Variants in MEGF8 observed in about 807,000 individuals in gnomAD.
MEGF8 encodes multiple epidermal growth factor-like domains protein 8.
Under a neutral mutation model 302.9 loss-of-function variants are expected in MEGF8, and 156 were observed. The ratio of observed to expected loss-of-function variants is 0.52; its 90% CI spans 0.45 to 0.59. MEGF8 has a LOEUF of 0.59. Ranked by LOEUF, MEGF8 falls within the 20% of genes least tolerant of loss-of-function variation. The pLI is 0.00. For missense variants in MEGF8, 3,345 were observed against 3,964.5 expected (o/e 0.84, Z 4.20); for synonymous variants, 1,621 against 1,660.5 (o/e 0.98, Z 0.58).
intron 8 of MEGF8, among the ~76,000 whole-genome samples, chr19:42,338,580 C>T (rs2039165679): frequency 1.3e-5 from 2 of 152,052 alleles, no homozygotes; most frequent in Non-Finnish European, 2.9e-5. Context: ...TCCTCCAACC[C>T]TCAGGTAGGC....
chr19:42,372,061 AAC>A, intron 41 of MEGF8, among the ~76,000 whole-genome samples: 1 of 149,436 alleles, frequency 6.7e-6, no homozygotes, highest in Non-Finnish European at 1.5e-5. Context: ...CAACAACAAC[AAC>A]AACAACAACA....
Position 42,353,779 on chromosome 19 carries a change from G to C in MEGF8, c.3766G>C (p.Gly1256Arg). 2 of 1,597,264 alleles carry C rather than the reference G, an allele frequency of 1.3e-6. No individual in the cohort carries two copies. The highest frequency in any genetic ancestry group is 8.6e-7 in the Non-Finnish European group (1 of 1,168,888). The stretch of plus-strand genomic sequence containing the variant: ...GGCTCTTCTCCATCTCCCCAGGGCC[G>C]GTGGTTCCTGCTTTCGGGAGTGTGG... ...SPGYYGDPRA[G>R]GSCFRECGGR... is the part of the protein sequence containing the mutation. The change falls in exon 22 of 42, where the codon GGT becomes CGT. Residue 1256 changes from glycine (G) to arginine (R), a missense_variant. By Grantham distance (125) the Gly-to-Arg change is moderately radical (BLOSUM62 -2). Coordinates refer to ENST00000251268, the MANE Select transcript of MEGF8 (RefSeq NM_001271938.2). This position sits in a 1 kb window ranked among gnomAD's most constrained non-coding sequence, Gnocchi z 6.1.
chr19:42,348,430 C>T lies in MEGF8; in HGVS notation c.2256C>T (p.His752=), dbSNP rs566246088. ...VAVWTRAQRL[H]VLARMARGPD... is the part of the protein sequence containing the mutation. ...TGTGGACGCGGGCCCAGCGCCTACA[C>T]GTCCTGGCCCGGATGGCCCGTGGCC... The change falls in exon 13 of 42, where the codon CAC becomes CAT. Residue 752 remains histidine, a synonymous_variant. Coordinates refer to ENST00000251268, the MANE Select transcript of MEGF8 (RefSeq NM_001271938.2). 1.4e-5 allele frequency: 22 copies of T among 1,532,076 alleles called. No individual in the cohort carries two copies. Among genetic ancestry groups the T allele is most frequent in the Middle Eastern group, 1.7e-4 (1 of 5,976 alleles). The allele number at this position is 1,532,076 out of a possible 1,614,324, so 94.9% of individuals were successfully genotyped here. A position where few individuals can be genotyped will look rare whatever the true frequency, so the allele number is the denominator to read the frequency against.
At chr19:42,340,528 C>T (rs2039197147) in intron 8 of MEGF8, among the ~76,000 whole-genome samples, 1 of 152,088 alleles carries the variant, frequency 6.6e-6, no homozygotes, top group Admixed American at 6.6e-5. Context: ...CGTGCCTGGC[C>T]TAATTTTTGT....
chr19:42,337,834 C>T (rs976473901), intron 8 of MEGF8, among the ~76,000 whole-genome samples: 5 of 150,896 alleles, frequency 3.3e-5, no homozygotes, highest in Middle Eastern at 3.5e-3. Flanking sequence ...GAGGGAGTCT[C>T]GCTCCGTCGC....
At chr19:42,331,654 C>T (rs1247330386) in intron 1 of MEGF8, among the ~76,000 whole-genome samples, 2 of 151,912 alleles carry the variant, frequency 1.3e-5, no homozygotes, top group African/African-American at 4.8e-5. Context: ...ACTGTAACCT[C>T]TGCCTCCCGG....
At chr19:42,329,948 A>C (rs560213996) in intron 1 of MEGF8, among the ~76,000 whole-genome samples, 65 of 151,242 alleles carry the variant, frequency 4.3e-4, no homozygotes, top group African/African-American at 1.5e-3. Context: ...CTAGTCCTAG[A>C]CTTTTTTTTT....
At chr19:42,343,826 G>A in intron 9 of MEGF8, 128 bp from the exon 10 acceptor site, 2 of 1,403,656 alleles carry the variant, frequency 1.4e-6, no homozygotes, top group Non-Finnish European at 1.9e-6. Context: ...GGAATGGATG[G>A]GCATGCTGAG....
chr19:42,335,503 A>G (rs1172127589), intron 5 of MEGF8, 118 bp downstream of exon 5: 10 of 859,316 alleles, frequency 1.2e-5, no homozygotes, highest in Non-Finnish European at 1.5e-5. Context: ...TTGATATAGG[A>G]ACCTACTTCT....
chr19:42,362,480 A>G lies in MEGF8; in HGVS notation c.5941A>G (p.Asn1981Asp). 1 of 1,613,992 alleles carries G rather than the reference A, an allele frequency of 6.2e-7. No homozygotes were observed. Among genetic ancestry groups the G allele is most frequent in the Non-Finnish European group, 8.5e-7 (1 of 1,179,888 alleles). ...CACCTCTGAGAATGACTGTCGGATC[A>G]ACCAGCGAGAGGTCTTCTGGGCAGG... The part of the protein sequence containing the change: ...SCTSENDCRI[N>D]QREVFWAGNC... The change falls in exon 34 of 42, where the codon AAC (asparagine) becomes GAC (aspartate). Residue 1981 changes from asparagine to aspartate, a missense_variant. Physicochemically the swap from Asn to Asp is conservative, Grantham distance 23. Coordinates refer to ENST00000251268, the MANE Select transcript of MEGF8 (RefSeq NM_001271938.2).
Position 42,375,538 on chromosome 19 carries a change from G to A in MEGF8, c.7301G>A (p.Ser2434Asn). ...CAKCRESFHG[S>N]PLGGQQCYRL... ...AAGTGCCGGGAATCATTTCACGGGA[G>A]TCCGCTGGGCGGCCAGCAGTGCTAC... Residue 2434 changes from serine (S) to asparagine (N), a missense_variant, in exon 42 of 42, where the codon AGT becomes AAT. Physicochemically the swap from Ser to Asn is conservative, Grantham distance 46 (BLOSUM62 1). Transcript: ENST00000251268. The surrounding 1 kb of genome is among the most constrained non-coding windows in gnomAD (Gnocchi z 7.1). 1 of 1,591,196 alleles carries A rather than the reference G, an allele frequency of 6.3e-7. No homozygotes were observed. The highest frequency in any genetic ancestry group is 8.5e-7 in the Non-Finnish European group (1 of 1,169,736).
In MEGF8 at chr19:42,353,597, G is replaced by A. The variant is rs374413723; in HGVS notation, c.3683G>A (p.Ser1228Asn). 2 of 1,593,910 alleles carry A rather than the reference G, an allele frequency of 1.3e-6. No homozygotes were observed. Among genetic ancestry groups the A allele is most frequent in the Admixed American group, 1.8e-5 (1 of 57,024 alleles). The change falls in exon 21 of 42, where the codon AGT becomes AAT. Residue 1228 changes from serine (S) to asparagine (N), a missense_variant. By Grantham distance (46) the Ser-to-Asn change is conservative (BLOSUM62 1). Coordinates refer to ENST00000251268, the MANE Select transcript of MEGF8 (RefSeq NM_001271938.2). The surrounding 1 kb of genome is among the most constrained non-coding windows in gnomAD (Gnocchi z 6.1). ...DPRRGHCDNL[S>N]GLCFCQDHTE... ...CGCCGTGGCCACTGCGACAACCTCA[G>A]TGGGCTCTGCTTCTGCCAGGACCAC...
chr19:42,332,474 TCTC>T lies in MEGF8; in HGVS notation c.188-1128_188-1126del, dbSNP rs1158467296. 3.9e-5 allele frequency among the ~76,000 whole-genome samples: 6 copies of T among 152,028 alleles called. No homozygotes were observed. The South Asian group carries it at 6.2e-4, about 16-fold the overall frequency. On this transcript the variant is annotated intron_variant, in intron 1 of 41. Transcript: ENST00000251268. ...CCTCTGCCTCCCAGGTTCAAGCAAT[TCTC>T]CTGCCTCAGCCTCCCAAGTAGCTGG...
In MEGF8 at chr19:42,343,475, A is replaced by G. The variant is rs1600031124; in HGVS notation, c.1514-2A>G. ...ATGTCATTGGGGTCTCTATTCCCCT[A>G]GGCCGAGCAGCGCCTCCCAGTGGTC... is the stretch of plus-strand genomic sequence containing the variant. On this transcript the variant is annotated splice_acceptor_variant, in intron 8 of 41. Coordinates refer to ENST00000251268, the MANE Select transcript of MEGF8 (RefSeq NM_001271938.2). LOFTEE classifies it high-confidence loss of function. 1 of 1,596,562 alleles carries G rather than the reference A, an allele frequency of 6.3e-7. No homozygotes were observed. Among genetic ancestry groups the G allele is most frequent in the Non-Finnish European group, 8.6e-7 (1 of 1,167,158 alleles).
Position 42,334,231 on chromosome 19 carries a change from C to G in MEGF8, c.558+18C>G, listed in dbSNP as rs1600013397. On this transcript the variant is annotated intron_variant, in intron 3 of 41. Coordinates refer to ENST00000251268, the MANE Select transcript of MEGF8 (RefSeq NM_001271938.2). ...GCGCCTCGGTGAGCCGGTCCCCAGC[C>G]CTGTTTCCCCTGGGGCCCTGATCTG... The G allele has an allele frequency of 3.8e-6, 6 of 1,568,124 alleles. No homozygotes were observed. Among genetic ancestry groups the G allele is most frequent in the African/African-American group, 2.7e-5 (2 of 74,248 alleles).
At chr19:42,349,302 GAAAA>G (rs1268884391) in intron 13 of MEGF8, among the ~76,000 whole-genome samples, 193 bp from the exon 14 acceptor site, 1 of 57,022 alleles carries the variant, frequency 1.8e-5, no homozygotes, top group Non-Finnish European at 4.1e-5. Context: ...CCTGTCTCAA[GAAAA>G]AAAAAAAAAA....
chr19:42,372,336 C>T (rs371591203), intron 41 of MEGF8, among the ~76,000 whole-genome samples: 16 of 152,176 alleles, frequency 1.1e-4, no homozygotes, highest in African/African-American at 3.6e-4. Flanking sequence ...AAATTCCCCT[C>T]GAGTGCATTT....
chr19:42,348,475 GAGGCCGCCTGGGACATTC>G lies in MEGF8; in HGVS notation c.2298+7_2298+24del. 1 of 1,513,672 alleles carries G rather than the reference GAGGCCGCCTGGGACATTC, an allele frequency of 6.6e-7. No individual in the cohort carries two copies. The highest frequency in any genetic ancestry group is 8.8e-7 in the Non-Finnish European group (1 of 1,130,530). The allele number at this position is 1,513,672 out of a possible 1,614,324, so 93.8% of individuals were successfully genotyped here. ...GTGGCCCTGACACGGAGAACATGGT[GAGGCCGCCTGGGACATTC>G]AGGGGGTTGTTTATGGTAAATAGGG... On this transcript the variant is annotated splice_donor_5th_base_variant and intron_variant, in intron 13 of 41. Coordinates refer to ENST00000251268, the MANE Select transcript of MEGF8 (RefSeq NM_001271938.2).
At chr19:42,373,256 C>T (rs1028447258) in intron 41 of MEGF8, among the ~76,000 whole-genome samples, 10 of 151,650 alleles carry the variant, frequency 6.6e-5, no homozygotes, top group African/African-American at 2.2e-4. Flanking sequence ...CCACCCCCCG[C>T]TAATTTTTGT....
Sources: allele counts gnomAD v4.1 joint callset (sites outside exome capture counted in the v4.1 genomes callset), GRCh38; gene constraint gnomAD v4.1.1; non-coding constraint Gnocchi (gnomAD v3.1); transcripts MANE v1.5; gene names NCBI Gene and HGNC (gene_info 2026-07-23, HGNC 2026-07-21).